Variants in LGR6 observed in about 807,000 individuals in gnomAD.
LGR6 encodes the protein leucine-rich repeat-containing G protein-coupled receptor 6.
In LGR6, 45 loss-of-function variants were observed where a neutral mutation model predicts 69.4. That is an observed-to-expected ratio of 0.65 (90% CI 0.51 to 0.83). LGR6 has a LOEUF of 0.83. Ranked by LOEUF, LGR6 falls within the 40% of genes least tolerant of loss-of-function variation. The pLI is 0.00. For synonymous variants in LGR6, 538 were observed against 555.0 expected (o/e 0.97, Z 0.43); for missense variants, 1,108 against 1,246.7 (o/e 0.89, Z 1.68).
At chr1:202,213,376 C>G (rs1659536817) in intron 1 of LGR6, among the ~76,000 whole-genome samples, 1 of 152,112 alleles carries the variant, frequency 6.6e-6, no homozygotes, top group African/African-American at 2.4e-5. Context: ...GGAGTCCAGC[C>G]CTTTGCCTTT....
intron 1 of LGR6, among the ~76,000 whole-genome samples, chr1:202,223,910 G>A (rs988549328): frequency 4.1e-5 from 6 of 146,984 alleles, no homozygotes; most frequent in African/African-American, 1.2e-4. Flanking sequence ...ACAGGACCCC[G>A]AGGGAAAGGC....
At chr1:202,228,639 C>T (rs1431188702) in intron 3 of LGR6, among the ~76,000 whole-genome samples, 13 of 152,170 alleles carry the variant, frequency 8.5e-5, no homozygotes, top group Non-Finnish European at 1.6e-4. Context: ...AAGGCTGAGA[C>T]ACAATCTCCT....
chr1:202,274,129 G>A (rs773978211), intron 4 of LGR6, among the ~76,000 whole-genome samples: 1 of 152,156 alleles, frequency 6.6e-6, no homozygotes, highest in Admixed American at 6.5e-5. Context: ...AGGACAGCCA[G>A]GATCCTCGAC....
intron 1 of LGR6, among the ~76,000 whole-genome samples, chr1:202,208,092 T>C (rs1659323311): frequency 6.6e-6 from 1 of 152,134 alleles, no homozygotes; most frequent in Non-Finnish European, 1.5e-5. Flanking sequence ...CTCTGTCCTG[T>C]GGAGTGAGGA....
intron 6 of LGR6, among the ~76,000 whole-genome samples, chr1:202,295,745 T>G (rs917348970): frequency 5.3e-5 from 8 of 152,170 alleles, no homozygotes; most frequent in Non-Finnish European, 1.2e-4. Context: ...TCAACAAGGT[T>G]TGACGCATGA....
chr1:202,312,536 AAGGATCCACAC>A (rs1558086469), intron 16 of LGR6, among the ~76,000 whole-genome samples: 1 of 152,084 alleles, frequency 6.6e-6, no homozygotes, highest in Non-Finnish European at 1.5e-5. Context: ...AGTGAGGAGG[AAGGATCCACAC>A]AGGAAACAGA....
At chr1:202,300,714 T>C in intron 7 of LGR6, 135 bp from the exon 8 acceptor site, 1 of 551,940 alleles carries the variant, frequency 1.8e-6, no homozygotes, top group Non-Finnish European at 3.3e-6. Context: ...AATCTGAACC[T>C]GGAATCTCCA....
At chr1:202,242,928 TTC>T (rs1475288326) in intron 4 of LGR6, among the ~76,000 whole-genome samples, 2 of 152,252 alleles carry the variant, frequency 1.3e-5, no homozygotes, top group African/African-American at 2.4e-5. Context: ...ATTGCACTTA[TTC>T]TCTCACTTAA....
intron 1 of LGR6, among the ~76,000 whole-genome samples, chr1:202,225,108 G>T (rs1660420641): frequency 1.3e-5 from 2 of 152,188 alleles, no homozygotes; most frequent in Non-Finnish European, 2.9e-5. Context: ...TTTATAGGGA[G>T]GCCAGTTTCC....
intron 3 of LGR6, among the ~76,000 whole-genome samples, chr1:202,234,865 A>AG (rs1437480134): frequency 2.0e-5 from 3 of 152,188 alleles, no homozygotes; most frequent in African/African-American, 7.2e-5. Flanking sequence ...TACACCATAA[A>AG]GGGGTAATTG....
chr1:202,238,375 G>T (rs924754848), intron 4 of LGR6, among the ~76,000 whole-genome samples: 1 of 144,256 alleles, frequency 6.9e-6, no homozygotes, highest in Non-Finnish European at 1.5e-5. Flanking sequence ...CCACAGTTCT[G>T]GGATTACAGG....
chr1:202,222,563 G>C (rs1660237302), intron 1 of LGR6, among the ~76,000 whole-genome samples: 1 of 152,200 alleles, frequency 6.6e-6, no homozygotes, highest in African/African-American at 2.4e-5. Flanking sequence ...GAAATGCACA[G>C]GGTAAATATT....
At chr1:202,288,302 T>C (rs1206285630) in intron 6 of LGR6, among the ~76,000 whole-genome samples, 2 of 152,154 alleles carry the variant, frequency 1.3e-5, no homozygotes, top group African/African-American at 4.8e-5. Context: ...TTCTACTTAA[T>C]TTTTTTCCAT....
intron 1 of LGR6, among the ~76,000 whole-genome samples, chr1:202,198,077 T>C (rs1558000541): frequency 6.6e-6 from 1 of 152,196 alleles, no homozygotes; most frequent in African/African-American, 2.4e-5. Context: ...CCTTTAAGAT[T>C]GCCTGTGATA....
At chr1:202,277,487 C>T (rs1665668696) in intron 5 of LGR6, among the ~76,000 whole-genome samples, 2 of 152,074 alleles carry the variant, frequency 1.3e-5, no homozygotes, top group Non-Finnish European at 1.5e-5. Context: ...AGAGGGTAAA[C>T]AGAACAAGGT....
intron 2 of LGR6, 76 bp downstream of exon 2, chr1:202,225,570 G>A: frequency 7.4e-7 from 1 of 1,347,822 alleles, no homozygotes; most frequent in South Asian, 1.2e-5. Context: ...CTCCCCAGGA[G>A]GTGGGGTGGA....
At chr1:202,279,365 G>C (rs1665832672) in intron 5 of LGR6, among the ~76,000 whole-genome samples, 1 of 152,156 alleles carries the variant, frequency 6.6e-6, no homozygotes, top group South Asian at 2.1e-4. Flanking sequence ...GCTCGCAGGA[G>C]TCCCGTCCTT....
intron 1 of LGR6, among the ~76,000 whole-genome samples, chr1:202,223,778 T>C (rs922206898): frequency 6.7e-6 from 1 of 150,128 alleles, no homozygotes; most frequent in African/African-American, 2.4e-5. Context: ...CCAACTCCTC[T>C]CTACTACTTT....
intron 4 of LGR6, among the ~76,000 whole-genome samples, chr1:202,274,916 C>G (rs1276291056): frequency 6.6e-6 from 1 of 152,204 alleles, no homozygotes; most frequent in African/African-American, 2.4e-5. Flanking sequence ...AATGTGCTTT[C>G]ACACCCAAGA....
Sources: gnomAD v4.1 joint callset for allele counts (sites outside exome capture counted in the v4.1 genomes callset) on GRCh38, gnomAD v4.1.1 for gene constraint, MANE v1.5 for transcripts, NCBI Gene and HGNC (gene_info 2026-07-23, HGNC 2026-07-21) for gene names.